CUX1: variants seen among roughly 807,000 people sequenced by gnomAD.
CUX1 encodes protein CASP.
In CUX1, 31 loss-of-function variants were observed where a neutral mutation model predicts 158.8. The ratio of observed to expected loss-of-function variants is 0.20; its 90% CI spans 0.15 to 0.26. CUX1 has a LOEUF of 0.26. CUX1 is among the 10% of genes least tolerant of loss of function. CUX1 has a pLI of 1.00. For missense variants in CUX1, 1,589 were observed against 2,014.6 expected (o/e 0.79, Z 4.04); for synonymous variants, 879 against 862.1 (o/e 1.02, Z -0.34).
At chr7:101,825,921 G>C in intron 1 of CUX1, among the ~76,000 whole-genome samples, 1 of 152,080 alleles carries the variant, frequency 6.6e-6, no homozygotes, top group East Asian at 1.9e-4. Flanking sequence ...GAAACAGGTC[G>C]CAATCCATTA....
intron 10 of CUX1, among the ~76,000 whole-genome samples, chr7:102,174,185 T>C (rs1792042949): frequency 6.6e-6 from 1 of 152,120 alleles, no homozygotes; most frequent in South Asian, 2.1e-4. Flanking sequence ...AGTGGCGCAA[T>C]CTGGGCTCAC....
intron 4 of CUX1, among the ~76,000 whole-genome samples, chr7:102,089,313 G>C (rs143287620): frequency 3.3e-5 from 5 of 152,266 alleles, no homozygotes; most frequent in Non-Finnish European, 5.9e-5. Context: ...TTTTTATGAA[G>C]TGATTTTTCC....
At chr7:101,817,432 G>T (rs1377173374), upstream of CUX1, 83 of 984,400 alleles carry the variant, frequency 8.4e-5, no homozygotes, top group Non-Finnish European at 9.6e-5. The surrounding 1 kb of genome is among the most constrained non-coding windows in gnomAD (Gnocchi z 4.1). Context: ...GTGGCATGCC[G>T]GGCGGTGGTC....
chr7:101,942,799 TCCA>T (rs1807870954), intron 2 of CUX1, among the ~76,000 whole-genome samples: 1 of 152,210 alleles, frequency 6.6e-6, no homozygotes, highest in African/African-American at 2.4e-5. Context: ...CTTGAGCTCC[TCCA>T]CCGACTGCTC....
intron 2 of CUX1, among the ~76,000 whole-genome samples, chr7:101,930,900 C>T (rs995235436): frequency 6.6e-6 from 1 of 152,162 alleles, no homozygotes; most frequent in African/African-American, 2.4e-5. Context: ...AGTTCGAGAC[C>T]AGCCTGGCCA....
At chr7:102,217,591 G>C (rs1797365209) in intron 20 of CUX1, among the ~76,000 whole-genome samples, 1 of 152,214 alleles carries the variant, frequency 6.6e-6, no homozygotes, top group Non-Finnish European at 1.5e-5. Context: ...ATGGTGTCTA[G>C]AGGGAGGGAG....
intron 23 of CUX1, among the ~76,000 whole-genome samples, chr7:102,242,141 C>T (rs1442237367): frequency 6.6e-6 from 1 of 151,414 alleles, no homozygotes; most frequent in African/African-American, 2.4e-5. Context: ...GAAACGTGGA[C>T]AGGGGTTTCC....
chr7:102,204,566 G>T lies in CUX1; in HGVS notation c.3073+10G>T, dbSNP rs781916366. On this transcript the variant is annotated intron_variant, in intron 19 of 23. Transcript: ENST00000292535. Reference sequence around the variant, plus strand: ...CAGCAGCAAGGGCCAGGTAATGGGGGTCCTGCCACAGGAGAGGGGCTGCCC... The same window carrying T: ...CAGCAGCAAGGGCCAGGTAATGGGGTTCCTGCCACAGGAGAGGGGCTGCCC... 6.2e-7 allele frequency: 1 copy of T among 1,611,426 alleles called. No individual in the cohort carries two copies. Among genetic ancestry groups the T allele is most frequent in the Non-Finnish European group, 8.5e-7 (1 of 1,178,720 alleles).
In CUX1 at chr7:102,243,522, G is replaced by A. The variant is rs537011416; in HGVS notation, c.3887+3938G>A. 3.3e-5 allele frequency among the ~76,000 whole-genome samples: 5 copies of A among 151,736 alleles called. No homozygotes were observed. In the East Asian group the frequency reaches 7.8e-4, roughly 24 times the overall value. ...CAGGTGGAAGGAGAAACGAGGGGCC[G>A]AGCACAGTGGCTCATGCCTGGAACT... is the stretch of plus-strand genomic sequence containing the variant. On this transcript the variant is annotated intron_variant, in intron 23 of 23. Transcript: ENST00000292535.
chr7:102,132,601 G>A (rs375640840), intron 8 of CUX1, among the ~76,000 whole-genome samples: 27 of 150,520 alleles, frequency 1.8e-4, no homozygotes, highest in African/African-American at 5.6e-4. Context: ...TGTTAGTTCC[G>A]CCTTCTTGCA....
intron 8 of CUX1, among the ~76,000 whole-genome samples, chr7:102,147,872 GC>G (rs1835190733): frequency 6.6e-6 from 1 of 152,124 alleles, no homozygotes; most frequent in South Asian, 2.1e-4. Flanking sequence ...GGTGGCGCAT[GC>G]CTGTACTCCC....
intron 2 of CUX1, among the ~76,000 whole-genome samples, chr7:102,024,613 C>T (rs1819771536): frequency 6.6e-6 from 1 of 152,154 alleles, no homozygotes; most frequent in Non-Finnish European, 1.5e-5. Context: ...AGGTGTGAGC[C>T]AGCGTGCCCA....
rs1832251889 is a variant in CUX1, at chr7:102,123,271, G to A, written c.674+7998G>A. ...AGAGAGGCACTGTGCATGTGGCCAT[G>A]TATATAAACATGTTTGTGAATATAA... On this transcript the variant is annotated intron_variant, in intron 8 of 23. Coordinates refer to ENST00000292535, the MANE Select transcript of CUX1 (RefSeq NM_181552.4). Among the ~76,000 whole-genome samples the A allele has an allele frequency of 2.0e-5, 3 of 151,450 alleles. No homozygotes were observed. The South Asian group carries it at 6.3e-4, about 32-fold the overall frequency.
intron 8 of CUX1, among the ~76,000 whole-genome samples, chr7:102,141,920 C>T (rs954473741): frequency 1.3e-5 from 2 of 151,006 alleles, no homozygotes; most frequent in African/African-American, 4.9e-5. Flanking sequence ...GGATTACAGG[C>T]GTGAGCCACC....
intron 1 of CUX1, among the ~76,000 whole-genome samples, chr7:101,904,467 G>A (rs1159286667): frequency 6.6e-6 from 1 of 151,942 alleles, no homozygotes; most frequent in African/African-American, 2.4e-5. Context: ...GCCGCAGCTT[G>A]TAAGTTTCAC....
chr7:101,892,699 T>C (rs923199801), intron 1 of CUX1, among the ~76,000 whole-genome samples: 37 of 152,166 alleles, frequency 2.4e-4, no homozygotes, highest in African/African-American at 8.7e-4. Flanking sequence ...GCCAAAATAC[T>C]TTTTTTCATT....
At chr7:102,057,710 G>T (rs1438403377) in intron 3 of CUX1, among the ~76,000 whole-genome samples, 2 of 152,180 alleles carry the variant, frequency 1.3e-5, no homozygotes, top group African/African-American at 2.4e-5. Context: ...ATGAGGGGTT[G>T]CTTCTTATGA....
chr7:102,039,838 G>C (rs1324637980), intron 3 of CUX1, among the ~76,000 whole-genome samples: 3 of 152,096 alleles, frequency 2.0e-5, no homozygotes, highest in Non-Finnish European at 2.9e-5. Context: ...GATCTGCATC[G>C]TTGGAAGGAG....
chr7:101,824,906 C>G (rs556250789), intron 1 of CUX1, among the ~76,000 whole-genome samples: 100 of 152,344 alleles, frequency 6.6e-4, no homozygotes, highest in Middle Eastern at 3.4e-3. Flanking sequence ...TGGGAACATT[C>G]TGTGGCTCCC....
Sources: allele counts gnomAD v4.1 joint callset (sites outside exome capture counted in the v4.1 genomes callset), GRCh38; gene constraint gnomAD v4.1.1; non-coding constraint Gnocchi (gnomAD v3.1); transcripts MANE v1.5; gene names NCBI Gene and HGNC (gene_info 2026-07-23, HGNC 2026-07-21).